GRIK3: variants seen among roughly 807,000 people sequenced by gnomAD.
The protein encoded by GRIK3 is glutamate receptor ionotropic, kainate 3.
In GRIK3, 29 loss-of-function variants were observed where a neutral mutation model predicts 102.5. That is an observed-to-expected ratio of 0.28 (90% CI 0.21 to 0.39). The LOEUF is 0.39. GRIK3 is among the 10% of genes least tolerant of loss of function. The probability of loss-of-function intolerance (pLI) is 1.00; values close to 1 mark genes in which losing one functional copy is unlikely to be tolerated. For missense variants in GRIK3, 908 were observed against 1,252.4 expected, an observed-to-expected ratio of 0.73 and a Z score of 4.15; for synonymous variants, 511 against 504.9, an observed-to-expected ratio of 1.01 and a Z score of -0.16.
At chr1:36,949,880 T>A (rs1641826091) in intron 1 of GRIK3, among the ~76,000 whole-genome samples, 1 of 152,130 alleles carries the variant, frequency 6.6e-6, no homozygotes. Flanking sequence ...CGCCTGGCCC[T>A]AATTCTTTTA....
intron 1 of GRIK3, among the ~76,000 whole-genome samples, chr1:36,954,206 C>T (rs192100114): frequency 6.0e-4 from 92 of 152,326 alleles, no homozygotes; most frequent in African/African-American, 2.1e-3. Flanking sequence ...GCTCTCACCC[C>T]TCACCAAGCT....
chr1:36,891,304 G>T (rs1333555482), intron 1 of GRIK3, among the ~76,000 whole-genome samples: 1 of 152,208 alleles, frequency 6.6e-6, no homozygotes, highest in Non-Finnish European at 1.5e-5. Context: ...GCAAATTCCT[G>T]ATAACAGAGC....
chr1:36,950,247 T>G (rs1335197828), intron 1 of GRIK3, among the ~76,000 whole-genome samples: 1 of 152,220 alleles, frequency 6.6e-6, no homozygotes, highest in Non-Finnish European at 1.5e-5. Flanking sequence ...ACGATCAAAT[T>G]GGCATTCAAA....
chr1:36,934,199 TGA>T (rs1163555297), intron 1 of GRIK3, among the ~76,000 whole-genome samples: 1 of 152,156 alleles, frequency 6.6e-6, no homozygotes, highest in Non-Finnish European at 1.5e-5. Flanking sequence ...ATTTTCTGGG[TGA>T]GAGTCTGTAT....
intron 11 of GRIK3, among the ~76,000 whole-genome samples, chr1:36,820,641 A>C (rs1199187511): frequency 2.0e-5 from 3 of 152,218 alleles, no homozygotes; most frequent in Non-Finnish European, 2.9e-5. Flanking sequence ...TGGGTATAAT[A>C]AAAAACCTTA....
chr1:36,986,018 G>A (rs987539298), intron 1 of GRIK3, among the ~76,000 whole-genome samples: 5 of 151,894 alleles, frequency 3.3e-5, no homozygotes, highest in South Asian at 2.1e-4. Context: ...AGGTAGAGAC[G>A]AAATCTCCCT....
intron 2 of GRIK3, among the ~76,000 whole-genome samples, chr1:36,887,893 T>C (rs1404906231): frequency 2.0e-5 from 3 of 150,212 alleles, no homozygotes; most frequent in Non-Finnish European, 4.4e-5. Flanking sequence ...AATTTAAAAA[T>C]AAAACTGACT....
At chr1:36,920,592 G>A (rs760573700) in intron 1 of GRIK3, among the ~76,000 whole-genome samples, 12 of 152,154 alleles carry the variant, frequency 7.9e-5, no homozygotes, top group Non-Finnish European at 1.8e-4. Context: ...CTGGCCTCTT[G>A]TGTCCACCTG....
intron 1 of GRIK3, among the ~76,000 whole-genome samples, chr1:36,979,834 T>G (rs1642231770): frequency 6.6e-6 from 1 of 152,204 alleles, no homozygotes; most frequent in East Asian, 1.9e-4. Flanking sequence ...TGGCTCAAGT[T>G]TCACAGGGTT....
At chr1:36,976,816 C>A (rs1642201023) in intron 1 of GRIK3, among the ~76,000 whole-genome samples, 2 of 152,188 alleles carry the variant, frequency 1.3e-5, no homozygotes, top group African/African-American at 4.8e-5. Flanking sequence ...ATGAGCCTCA[C>A]TTCAGGGGTT....
At chr1:36,956,899 T>C (rs1641918312) in intron 1 of GRIK3, among the ~76,000 whole-genome samples, 1 of 152,272 alleles carries the variant, frequency 6.6e-6, no homozygotes. Flanking sequence ...AGAGCAGTCA[T>C]TCATTGTTCG....
rs74999570 is a variant in GRIK3, at chr1:36,949,871, G to A, written c.116-58775C>T. ...TGGGACTACAGGCATAAGCCACCACGCCTGGCCCTAATTCTTTTAATTCAT... is the reference window on the plus strand; with the variant it reads ...TGGGACTACAGGCATAAGCCACCACACCTGGCCCTAATTCTTTTAATTCAT... On this transcript the variant is annotated intron_variant, in intron 1 of 15. Transcript: ENST00000373091. Among the ~76,000 whole-genome samples, 100 of 152,196 alleles carry A rather than the reference G, an allele frequency of 6.6e-4. No homozygotes were observed. The East Asian group carries it at 0.015, about 22-fold the overall frequency.
chr1:36,849,871 T>C (rs891652950), intron 9 of GRIK3: 24 of 160,422 alleles, frequency 1.5e-4, no homozygotes, highest in African/African-American at 5.3e-4. Context: ...GAAGGGCCAC[T>C]ATAGAATGCG....
intron 9 of GRIK3, among the ~76,000 whole-genome samples, chr1:36,843,576 G>T (rs1232340878): frequency 2.0e-5 from 3 of 152,110 alleles, no homozygotes; most frequent in African/African-American, 7.2e-5. Flanking sequence ...TCTCCTGTCT[G>T]TTCCCTGGGG....
intron 1 of GRIK3, among the ~76,000 whole-genome samples, chr1:36,982,836 G>C (rs1375512308): frequency 6.6e-6 from 1 of 151,998 alleles, no homozygotes; most frequent in Non-Finnish European, 1.5e-5. Context: ...GGGAAGGAGG[G>C]GGAGCGCCTG....
Position 36,801,773 on chromosome 1 carries a change from G to C in GRIK3, c.*78C>G. The C allele has an allele frequency of 3.1e-6, 4 of 1,282,144 alleles. No homozygotes were observed. Among genetic ancestry groups the C allele is most frequent in the Non-Finnish European group, 4.3e-6 (4 of 938,882 alleles). The allele number at this position is 1,282,144 out of a possible 1,614,324, so 79.4% of individuals were successfully genotyped here. ...CTCTGGTCCCCAAGCCCAGTGCGGGGACAGGGGACGTTCCTTCCAATCTCC... is the reference window on the plus strand; with the variant it reads ...CTCTGGTCCCCAAGCCCAGTGCGGGCACAGGGGACGTTCCTTCCAATCTCC... On this transcript the variant is annotated 3_prime_UTR_variant, in exon 16 of 16. Coordinates refer to ENST00000373091, the MANE Select transcript of GRIK3 (RefSeq NM_000831.4).
intron 1 of GRIK3, among the ~76,000 whole-genome samples, chr1:37,013,831 G>A (rs972297522): frequency 6.6e-6 from 1 of 152,232 alleles, no homozygotes; most frequent in Non-Finnish European, 1.5e-5. Context: ...CTGTGCCTCA[G>A]ACCAGAACCT....
chr1:36,915,485 G>A (rs1467794810), intron 1 of GRIK3, among the ~76,000 whole-genome samples: 1 of 152,200 alleles, frequency 6.6e-6, no homozygotes, highest in East Asian at 1.9e-4. Context: ...TCCGGGGTGG[G>A]AACAAGTGGA....
At chr1:36,898,085 C>T (rs185624418) in intron 1 of GRIK3, among the ~76,000 whole-genome samples, 27 of 151,024 alleles carry the variant, frequency 1.8e-4, no homozygotes, top group African/African-American at 6.3e-4. Flanking sequence ...CAATTGAAAT[C>T]ATGGAGATAG....
Sources: allele counts gnomAD v4.1 joint callset (sites outside exome capture counted in the v4.1 genomes callset), GRCh38; gene constraint gnomAD v4.1.1; transcripts MANE v1.5; gene names NCBI Gene and HGNC (gene_info 2026-07-23, HGNC 2026-07-21).